The following PNO1 variants were observed in gnomAD, a reference collection of about 807,000 sequenced individuals.
PNO1 encodes the protein partner of NOB1 homolog.
In PNO1, 16 loss-of-function variants were observed where a neutral mutation model predicts 28.4. The observed-to-expected ratio is 0.56, with a 90% CI of 0.38 to 0.85. PNO1 has a LOEUF of 0.85. Ranked by LOEUF, PNO1 falls within the 40% of genes least tolerant of loss-of-function variation. The pLI, the probability that PNO1 is intolerant of heterozygous loss-of-function variation, is 0.00. For missense variants in PNO1, 304 were observed against 312.2 expected, an observed-to-expected ratio of 0.97 and a Z score of 0.20; for synonymous variants, 115 against 110.8, an observed-to-expected ratio of 1.04 and a Z score of -0.24.
chr2:68,173,301 G>A (rs1294021930), intron 5 of PNO1, 46 bp from the exon 6 acceptor site: 1 of 1,150,052 alleles, frequency 8.7e-7, no homozygotes, highest in Admixed American at 1.7e-5. Context: ...ACAGGTGTGA[G>A]TCATTGCATC....
chr2:68,165,822 A>G (rs1346495439), intron 5 of PNO1, among the ~76,000 whole-genome samples: 1 of 152,364 alleles, frequency 6.6e-6, no homozygotes, highest in East Asian at 1.9e-4. Context: ...CCAACGTTTT[A>G]GAAGTTTATT....
chr2:68,161,679 A>G lies in PNO1; in HGVS notation c.358-4A>G. On this transcript the variant is annotated splice_region_variant and splice_polypyrimidine_tract_variant and intron_variant, in intron 2 of 6. Transcript: ENST00000263657. ...ATTTTGTACCCTTTTTTGTTTTTTA[A>G]CAGACTTGTAAAGAAACCAAGGATG... 1 of 1,593,012 alleles carries G rather than the reference A, an allele frequency of 6.3e-7. No homozygotes were observed. The highest frequency in any genetic ancestry group is 8.6e-7 in the Non-Finnish European group (1 of 1,164,034).
chr2:68,159,270 G>C (rs1673765644), intron 2 of PNO1, among the ~76,000 whole-genome samples: 1 of 151,442 alleles, frequency 6.6e-6, no homozygotes, highest in Non-Finnish European at 1.5e-5. Context: ...GTGTGTGTGT[G>C]TGTGTGTGTA....
At position 68,158,131 on chromosome 2, in the gene PNO1, A is replaced by G; in HGVS notation, c.197A>G (p.Asp66Gly). 6.2e-7 allele frequency: 1 copy of G among 1,600,688 alleles called. No homozygotes were observed. The highest frequency in any genetic ancestry group is 8.5e-7 in the Non-Finnish European group (1 of 1,173,288). Reference sequence around the variant, plus strand: ...CCCGTCTTCCCACCCCTCTGTGGGGACGGGCTCCTGGTATGTGGCTGGGAC... The same window carrying G: ...CCCGTCTTCCCACCCCTCTGTGGGGGCGGGCTCCTGGTATGTGGCTGGGAC... ...KRPVFPPLCG[D>G]GLLSGKEETR... Residue 66 changes from aspartate to glycine, a missense_variant, in exon 1 of 7, where the codon GAC becomes GGC. Coordinates refer to ENST00000263657, the MANE Select transcript of PNO1 (RefSeq NM_020143.4).
intron 1 of PNO1, 103 bp downstream of exon 1, chr2:68,158,244 G>T (rs902572055): frequency 5.1e-6 from 7 of 1,382,372 alleles, no homozygotes; most frequent in Admixed American, 2.2e-5. Flanking sequence ...CTGTTCTGCC[G>T]TGATGCTCAG....
chr2:68,166,859 G>T (rs370432382), intron 5 of PNO1, among the ~76,000 whole-genome samples: 1 of 152,080 alleles, frequency 6.6e-6, no homozygotes. Context: ...CCATCAAGTC[G>T]TCTTCTGTTA....
intron 2 of PNO1, among the ~76,000 whole-genome samples, chr2:68,160,257 C>T (rs896121053): frequency 6.6e-6 from 1 of 152,194 alleles, no homozygotes; most frequent in African/African-American, 2.4e-5. Context: ...GCGTGAGCAT[C>T]TTCAACATTT....
Position 68,162,233 on chromosome 2 carries a change from G to T in PNO1, c.442-32G>T, listed in dbSNP as rs184927519. The T allele has an allele frequency of 1.8e-5, 28 of 1,544,528 alleles. No homozygotes were observed. In the East Asian group the frequency reaches 6.3e-4, roughly 35 times the overall value. ...CTCTTTTTCAGGTGTGCAAATGGAA[G>T]GGGCTTCACGGTGTTTGTTTTTATA... On this transcript the variant is annotated intron_variant, in intron 3 of 6. Transcript: ENST00000263657.
intron 2 of PNO1, 104 bp downstream of exon 2, chr2:68,158,633 T>C: frequency 9.6e-7 from 1 of 1,038,888 alleles, no homozygotes; most frequent in Non-Finnish European, 1.4e-6. Context: ...TGTTGTATGG[T>C]TTTTGTCCAG....
chr2:68,164,643 A>T (rs115626256), intron 5 of PNO1, among the ~76,000 whole-genome samples: 1 of 152,228 alleles, frequency 6.6e-6, no homozygotes, highest in East Asian at 1.9e-4. Context: ...TCTACAAAAA[A>T]TATAAAAATT....
intron 4 of PNO1, 94 bp from the exon 5 acceptor site, chr2:68,162,452 C>A: frequency 1.9e-6 from 2 of 1,067,608 alleles, no homozygotes; most frequent in Non-Finnish European, 2.8e-6. Flanking sequence ...CACTTTGTGT[C>A]CTTTAGAGAA....
rs1413714303 is a variant in PNO1 at position 68,175,087 on chromosome 2, C to T, written c.*285C>T. ...GTAGCAGATTGCATAGTCTGTAATC[C>T]TCTCAGAGGGAAACTTCTTGTTTAA... On this transcript the variant is annotated 3_prime_UTR_variant, in exon 7 of 7. Coordinates refer to ENST00000263657, the MANE Select transcript of PNO1 (RefSeq NM_020143.4). The T allele has an allele frequency of 3.7e-6, 1 of 269,702 alleles. No individual in the cohort carries two copies. The allele number at this position is 269,702 out of a possible 1,614,324, so 16.7% of individuals were successfully genotyped here. A position where few individuals can be genotyped will look rare whatever the true frequency, so the allele number is the denominator to read the frequency against.
rs1251659262 is a variant in PNO1 at position 68,162,648 on chromosome 2, T to C, written c.605T>C (p.Ile202Thr). The C allele has an allele frequency of 6.2e-7, 1 of 1,605,046 alleles. No homozygotes were observed. Among genetic ancestry groups the C allele is most frequent in the African/African-American group, 1.3e-5 (1 of 74,834 alleles). Residue 202 changes from isoleucine to threonine, a missense_variant, in exon 5 of 7, where the codon ATA becomes ACA. Physicochemically the swap from Ile to Thr is moderately conservative, Grantham distance 89. Transcript: ENST00000263657. ...ATAGAGAATGTGACACGGACAAGGATAGTTTTGGCTGATGTGTAAGTATCT... is the reference window on the plus strand; with the variant it reads ...ATAGAGAATGTGACACGGACAAGGACAGTTTTGGCTGATGTGTAAGTATCT... ...FTIENVTRTRIVLADVKVHIL... is the reference protein window; with the variant it reads ...FTIENVTRTRTVLADVKVHIL...
intron 5 of PNO1, among the ~76,000 whole-genome samples, chr2:68,168,635 C>T (rs1208045708): frequency 6.6e-6 from 1 of 152,114 alleles, no homozygotes; most frequent in Non-Finnish European, 1.5e-5. Context: ...TTAACCCTTG[C>T]CCAGGTGGTC....
intron 5 of PNO1, among the ~76,000 whole-genome samples, chr2:68,172,904 T>C (rs1308885227): frequency 6.6e-6 from 1 of 152,142 alleles, no homozygotes; most frequent in Admixed American, 6.5e-5. Context: ...AATTTTTTAT[T>C]GGGATACAAT....
intron 5 of PNO1, among the ~76,000 whole-genome samples, chr2:68,165,955 G>C (rs1039886770): frequency 7.2e-5 from 11 of 152,080 alleles, no homozygotes; most frequent in African/African-American, 2.7e-4. Context: ...AAGTTCCCTC[G>C]TGCATCTTTA....
At chr2:68,173,190 AT>A (rs1338812539) in intron 5 of PNO1, 156 bp from the exon 6 acceptor site, 11 of 513,792 alleles carry the variant, frequency 2.1e-5, no homozygotes, top group Admixed American at 3.7e-5. Flanking sequence ...TAACTGTTGA[AT>A]TTTTTTGTAG....
At chr2:68,159,087 G>A (rs774202795) in intron 2 of PNO1, among the ~76,000 whole-genome samples, 1 of 152,104 alleles carries the variant, frequency 6.6e-6, no homozygotes, top group Non-Finnish European at 1.5e-5. Flanking sequence ...CCGGTATCCA[G>A]TGCCATATAT....
At position 68,162,565 on chromosome 2, in the gene PNO1, C is replaced by T; in HGVS notation, c.522C>T (p.Asp174=). The part of the protein sequence containing the change: ...EITDVKPLKG[D]HLSRAIGRIA... ...GTTTAGTTAAACCCCTAAAGGGAGA[C>T]CATCTATCCAGGGCAATAGGAAGAA... The change falls in exon 5 of 7, where the codon GAC becomes GAT. Residue 174 remains aspartate, a synonymous_variant. Transcript: ENST00000263657. 1 of 1,612,796 alleles carries T rather than the reference C, an allele frequency of 6.2e-7. No individual in the cohort carries two copies. Among genetic ancestry groups the T allele is most frequent in the Admixed American group, 1.7e-5 (1 of 60,014 alleles).
Sources: allele counts gnomAD v4.1 joint callset (sites outside exome capture counted in the v4.1 genomes callset), GRCh38; gene constraint gnomAD v4.1.1; transcripts MANE v1.5; gene names NCBI Gene and HGNC (gene_info 2026-07-23, HGNC 2026-07-21).